Variants in HS6ST2 observed in about 807,000 individuals in gnomAD.
HS6ST2 encodes heparan sulfate 6-O-sulfotransferase 2, also known as heparan-sulfate 6-O-sulfotransferase 2.
A neutral mutation model predicts 33.0 loss-of-function variants in HS6ST2; 17 were observed. The observed-to-expected ratio is 0.52, with a 90% CI of 0.35 to 0.77. The LOEUF (loss-of-function observed/expected upper bound fraction) is 0.77, where lower values mean the gene tolerates loss of function less well. Ranked by LOEUF, HS6ST2 falls within the 30% of genes least tolerant of loss-of-function variation. The pLI is 0.01. For missense variants in HS6ST2, 519 were observed against 551.7 expected, an observed-to-expected ratio of 0.94 and a Z score of 0.59; for synonymous variants, 248 against 237.1, an observed-to-expected ratio of 1.05 and a Z score of -0.42.
At chrX:132,787,120 C>A (rs1408408877) in intron 2 of HS6ST2, among the ~76,000 whole-genome samples, 1 of 94,794 alleles carries the variant, frequency 1.1e-5, no homozygotes, top group Non-Finnish European at 2.1e-5. Flanking sequence ...GAGCACTTAC[C>A]ACCATTAAAA....
At chrX:132,932,173 A>G (rs1327536027) in intron 2 of HS6ST2, among the ~76,000 whole-genome samples, 3 of 97,836 alleles carry the variant, frequency 3.1e-5, no homozygotes, top group East Asian at 6.5e-4. Context: ...GTGACAGAGC[A>G]AGACTCCACC....
chrX:132,956,945 C>T lies in HS6ST2; in HGVS notation c.810G>A (p.Pro270=), dbSNP rs1367078898. 1.7e-6 allele frequency: 2 copies of T among 1,207,204 alleles called. No individual in the cohort carries two copies. Among genetic ancestry groups the T allele is most frequent in the African/African-American group, 1.7e-5 (1 of 57,829 alleles). The change falls in exon 2 of 5, where the codon CCG becomes CCA. Residue 270 remains proline, a synonymous_variant. Transcript: ENST00000370833. ...AGAAGAGCCAGGTTTCCCGCTTACCCGGCCGGTGGCAAGTGCATTTCTTCT... is the reference window on the plus strand; with the variant it reads ...AGAAGAGCCAGGTTTCCCGCTTACCTGGCCGGTGGCAAGTGCATTTCTTCT... The part of the protein sequence containing the change: ...VGQKKCTCHR[P]GKRETWLFSR...
chrX:132,822,833 T>G (rs149524795), intron 2 of HS6ST2, among the ~76,000 whole-genome samples: 1 of 112,232 alleles, frequency 8.9e-6, no homozygotes, highest in African/African-American at 3.2e-5. Context: ...TCAAAATAGC[T>G]TGGGCTAGTT....
At chrX:132,634,012 T>C (rs1305611084) in intron 4 of HS6ST2, among the ~76,000 whole-genome samples, 2 of 111,975 alleles carry the variant, frequency 1.8e-5, no homozygotes, top group Non-Finnish European at 3.8e-5. Context: ...CTCAATTGTT[T>C]CATACTTTCA....
intron 4 of HS6ST2, among the ~76,000 whole-genome samples, chrX:132,653,927 C>A (rs1438976754): frequency 9.0e-6 from 1 of 111,212 alleles, no homozygotes; most frequent in Non-Finnish European, 1.9e-5. Flanking sequence ...AAAGCACAAT[C>A]AGGTCAAACT....
intron 2 of HS6ST2, chrX:132,735,517 C>T (rs1337800905): frequency 8.9e-6 from 1 of 111,979 alleles, no homozygotes; most frequent in Non-Finnish European, 1.9e-5. Context: ...TTAATCATGC[C>T]TGTGGGGTCA....
At chrX:132,715,429 G>C (rs763253580) in intron 2 of HS6ST2, among the ~76,000 whole-genome samples, 1 of 111,617 alleles carries the variant, frequency 9.0e-6, no homozygotes. Context: ...GAGTAACACT[G>C]TCTCTAAAAC....
At chrX:132,941,730 C>T (rs1193862847) in intron 2 of HS6ST2, among the ~76,000 whole-genome samples, 1 of 111,514 alleles carries the variant, frequency 9.0e-6, no homozygotes, top group Non-Finnish European at 1.9e-5. Flanking sequence ...ATTTAATGTA[C>T]ACCCATATGG....
chrX:132,843,464 G>A (rs1394879558), intron 2 of HS6ST2, among the ~76,000 whole-genome samples: 1 of 111,285 alleles, frequency 9.0e-6, no homozygotes, highest in Non-Finnish European at 1.9e-5. Flanking sequence ...CTACATACAT[G>A]TGCATAACAG....
intron 2 of HS6ST2, among the ~76,000 whole-genome samples, chrX:132,910,359 T>C (rs1230191716): frequency 1.8e-5 from 2 of 111,043 alleles, no homozygotes; most frequent in Admixed American, 1.9e-4. Flanking sequence ...ACACTGAATA[T>C]GAAAGAACAT....
chrX:132,916,673 T>G lies in HS6ST2; in HGVS notation c.947+40135A>C, dbSNP rs1200481557. On this transcript the variant is annotated intron_variant, in intron 2 of 4. Transcript: ENST00000370833. Reference sequence around the variant, plus strand: ...GCTTTCATCTTTCTCCTGTGCTGGATGCTTCCTGCCCCTGAACATCAGACT... The same window carrying G: ...GCTTTCATCTTTCTCCTGTGCTGGAGGCTTCCTGCCCCTGAACATCAGACT... Among the ~76,000 whole-genome samples the G allele has an allele frequency of 8.0e-5, 9 of 112,289 alleles. No homozygotes were observed. In the East Asian group the frequency reaches 2.5e-3, roughly 32 times the overall value.
chrX:132,775,186 A>G (rs1602662600), intron 2 of HS6ST2, among the ~76,000 whole-genome samples: 1 of 111,404 alleles, frequency 9.0e-6, no homozygotes, highest in African/African-American at 3.3e-5. Context: ...GCTTTTCCCT[A>G]TAGACACCAC....
chrX:132,765,597 C>T (rs962467557), intron 2 of HS6ST2, among the ~76,000 whole-genome samples: 1 of 110,831 alleles, frequency 9.0e-6, no homozygotes, highest in African/African-American at 3.3e-5. Context: ...GCTGGCACCA[C>T]GGGCATGCAC....
At position 132,636,854 on chromosome X, in the gene HS6ST2, T is replaced by C. The variant is rs763539546; in HGVS notation, c.1068-7761A>G. On this transcript the variant is annotated intron_variant, in intron 4 of 4. Coordinates refer to ENST00000370833, the MANE Select transcript of HS6ST2 (RefSeq NM_001394073.1). ...AGGACACTTTCTTACACCAACTACA[T>C]AGCCAGGAACTGGGGGTGCTCTGTG... Among the ~76,000 whole-genome samples the C allele has an allele frequency of 1.1e-4, 12 of 112,067 alleles. No individual in the cohort carries two copies. The South Asian group carries it at 4.5e-3, about 42-fold the overall frequency.
chrX:132,906,637 A>T (rs1569502989), intron 2 of HS6ST2, among the ~76,000 whole-genome samples: 2 of 111,192 alleles, frequency 1.8e-5, no homozygotes, highest in Non-Finnish European at 3.8e-5. Context: ...TATCCTCATG[A>T]TAATGACTGA....
intron 2 of HS6ST2, among the ~76,000 whole-genome samples, chrX:132,830,271 A>C (rs906984715): frequency 3.6e-5 from 4 of 112,152 alleles, no homozygotes; most frequent in Non-Finnish European, 5.6e-5. Context: ...TACAAACATC[A>C]AATTCTGAGA....
chrX:132,829,199 T>TAC (rs762265064), intron 2 of HS6ST2, among the ~76,000 whole-genome samples: 4 of 73,292 alleles, frequency 5.5e-5, no homozygotes, highest in East Asian at 7.0e-4. Flanking sequence ...TATATATATA[T>TAC]ACATACTTAT....
chrX:132,862,198 T>C (rs1430750530), intron 2 of HS6ST2, among the ~76,000 whole-genome samples: 1 of 112,182 alleles, frequency 8.9e-6, no homozygotes, highest in African/African-American at 3.2e-5. Flanking sequence ...AGAACATCTA[T>C]TTTCATACCT....
chrX:132,957,206 C>G lies in HS6ST2; in HGVS notation c.549G>C (p.Leu183=). 1 of 1,210,655 alleles carries G rather than the reference C, an allele frequency of 8.3e-7. No homozygotes were observed. The highest frequency in any genetic ancestry group is 1.8e-5 in the South Asian group (1 of 56,709). The change falls in exon 2 of 5, where the codon CTG becomes CTC. Residue 183 remains leucine, a synonymous_variant. Coordinates refer to ENST00000370833, the MANE Select transcript of HS6ST2 (RefSeq NM_001394073.1). ...CPGTECQLLR[L]QAFSSPVPDP... ...CCGGCACCGGGGAGCTGAACGCCTG[C>G]AGGCGGAGGAGCTGGCATTCTGTGC...
Sources: gnomAD v4.1 joint callset for allele counts (sites outside exome capture counted in the v4.1 genomes callset) on GRCh38, gnomAD v4.1.1 for gene constraint, MANE v1.5 for transcripts, NCBI Gene and HGNC (gene_info 2026-07-23, HGNC 2026-07-21) for gene names.